RSRC1: variants seen among roughly 807,000 people sequenced by gnomAD.
The protein encoded by RSRC1 is arginine and serine rich coiled-coil 1, also known as serine/Arginine-related protein 53.
A neutral mutation model predicts 49.1 loss-of-function variants in RSRC1; 39 were observed. That is an observed-to-expected ratio of 0.79 (90% confidence interval 0.61 to 1.04). RSRC1 has a LOEUF of 1.04. RSRC1 is among the 50% of genes least tolerant of loss of function. The probability of loss-of-function intolerance (pLI) is 0.00; values close to 1 mark genes in which losing one functional copy is unlikely to be tolerated. For synonymous variants in RSRC1, 143 were observed against 130.8 expected (o/e 1.09, Z -0.63); for missense variants, 388 against 402.4 (o/e 0.96, Z 0.31).
intron 7 of RSRC1, among the ~76,000 whole-genome samples, chr3:158,461,895 C>T (rs1265321835): frequency 2.6e-5 from 4 of 150,958 alleles, no homozygotes; most frequent in African/African-American, 9.7e-5. Context: ...AGAAGATAAT[C>T]TGAACTTCCC....
intron 1 of RSRC1, among the ~76,000 whole-genome samples, chr3:158,119,067 C>G (rs1347683380): frequency 2.0e-5 from 3 of 152,140 alleles, no homozygotes; most frequent in Non-Finnish European, 4.4e-5. Context: ...TCATTTTTCT[C>G]CCCAAAATAA....
chr3:158,267,917 A>G (rs827091), intron 4 of RSRC1, among the ~76,000 whole-genome samples: 85,037 of 135,168 alleles, frequency 0.63, 26,072 homozygotes, highest in East Asian at 0.73. Flanking sequence ...ATTCAGCTGT[A>G]TTCTCCTGGG....
intron 6 of RSRC1, among the ~76,000 whole-genome samples, chr3:158,398,058 G>T (rs750126244): frequency 6.6e-6 from 1 of 152,118 alleles, no homozygotes; most frequent in Non-Finnish European, 1.5e-5. Flanking sequence ...GGTAGGGAGT[G>T]TTAGACATAC....
chr3:158,424,431 A>C (rs909146035), intron 6 of RSRC1, among the ~76,000 whole-genome samples: 2 of 151,466 alleles, frequency 1.3e-5, no homozygotes, highest in Non-Finnish European at 2.9e-5. Flanking sequence ...GATGAAGCCC[A>C]CTTGATCATG....
intron 6 of RSRC1, among the ~76,000 whole-genome samples, chr3:158,432,069 C>T (rs996890214): frequency 6.6e-6 from 1 of 151,914 alleles, no homozygotes; most frequent in African/African-American, 2.4e-5. Context: ...GGGGATCTGA[C>T]AGGCAGCACG....
chr3:158,498,470 T>C (rs954437827), intron 7 of RSRC1, among the ~76,000 whole-genome samples: 6 of 152,136 alleles, frequency 3.9e-5, no homozygotes, highest in African/African-American at 1.4e-4. Context: ...TGGATATTAG[T>C]CCTTTGTCAG....
At chr3:158,124,531 A>C (rs1011741833) in intron 3 of RSRC1, among the ~76,000 whole-genome samples, 3 of 152,162 alleles carry the variant, frequency 2.0e-5, no homozygotes, top group African/African-American at 7.2e-5. Context: ...GGAATTCTGC[A>C]GTGAAGCTAT....
chr3:158,193,939 G>C (rs1435125056), intron 3 of RSRC1, among the ~76,000 whole-genome samples: 1 of 151,938 alleles, frequency 6.6e-6, no homozygotes, highest in East Asian at 1.9e-4. Context: ...TGTGAGTTCA[G>C]GTCGACATAC....
At chr3:158,129,653 C>T (rs758356203) in intron 3 of RSRC1, among the ~76,000 whole-genome samples, 3 of 152,230 alleles carry the variant, frequency 2.0e-5, no homozygotes, top group East Asian at 1.9e-4. Flanking sequence ...GCTAACTATA[C>T]GAATGTGACT....
chr3:158,145,534 A>G lies in RSRC1; in HGVS notation c.320+21543A>G, dbSNP rs145471019. ...GTACCATGCTGTTTTGGTTACTGTA[A>G]CCTTGTAGTATAGTTTGAAGTCAGG... On this transcript the variant is annotated intron_variant, in intron 3 of 9. Coordinates refer to ENST00000611884, the MANE Select transcript of RSRC1 (RefSeq NM_001271838.2). 7.7e-3 allele frequency among the ~76,000 whole-genome samples: 1,166 copies of G among 152,040 alleles called. 15 individuals are homozygous for G. Among genetic ancestry groups the G allele is most frequent in the African/African-American group, 0.027 (1,129 of 41,474 alleles).
chr3:158,354,173 T>G (rs945612449), intron 5 of RSRC1, among the ~76,000 whole-genome samples: 37 of 151,978 alleles, frequency 2.4e-4, no homozygotes, highest in African/African-American at 7.7e-4. Flanking sequence ...GTATTTTTAG[T>G]AGAGATGGGG....
chr3:158,435,774 C>T (rs1218743469), intron 6 of RSRC1, among the ~76,000 whole-genome samples: 1 of 151,576 alleles, frequency 6.6e-6, no homozygotes. Flanking sequence ...ATAAAACGTA[C>T]ATCTTCTAGT....
intron 4 of RSRC1, among the ~76,000 whole-genome samples, chr3:158,218,909 A>T (rs1379509615): frequency 6.6e-6 from 1 of 151,684 alleles, no homozygotes; most frequent in Non-Finnish European, 1.5e-5. Flanking sequence ...GATGAATAAG[A>T]CACGGTCTTT....
Position 158,424,700 on chromosome 3 carries a change from A to G in RSRC1, c.584-36235A>G, listed in dbSNP as rs1322976410. Reference sequence around the variant, plus strand: ...TCTGGTAGAATTCGGCTGTGAATCCATCTGGTCCTGGACCCTTTTTGGTGG... The same window carrying G: ...TCTGGTAGAATTCGGCTGTGAATCCGTCTGGTCCTGGACCCTTTTTGGTGG... On this transcript the variant is annotated intron_variant, in intron 6 of 9. Transcript: ENST00000611884. Among the ~76,000 whole-genome samples the G allele has an allele frequency of 3.9e-5, 6 of 152,094 alleles. No individual in the cohort carries two copies. In the South Asian group the frequency reaches 1.2e-3, roughly 32 times the overall value.
chr3:158,469,276 A>G, intron 7 of RSRC1: 1 of 376,118 alleles, frequency 2.7e-6, no homozygotes, highest in South Asian at 2.1e-5. Context: ...AAGATGGCCA[A>G]GAATTATAAT....
chr3:158,397,837 T>A lies in RSRC1; in HGVS notation c.583+42929T>A, dbSNP rs554924530. Among the ~76,000 whole-genome samples the A allele has an allele frequency of 4.6e-5, 7 of 152,230 alleles. No homozygotes were observed. In the South Asian group the frequency reaches 1.5e-3, roughly 32 times the overall value. On this transcript the variant is annotated intron_variant, in intron 6 of 9. Coordinates refer to ENST00000611884, the MANE Select transcript of RSRC1 (RefSeq NM_001271838.2). ...CTTACATAAAGGATCTCATCTTTAATGTCACCTCCTTGTAATTTAGAATTG... is the reference window on the plus strand; with the variant it reads ...CTTACATAAAGGATCTCATCTTTAAAGTCACCTCCTTGTAATTTAGAATTG...
intron 3 of RSRC1, among the ~76,000 whole-genome samples, chr3:158,171,078 G>A (rs1299761275): frequency 6.6e-6 from 1 of 152,168 alleles, no homozygotes; most frequent in Non-Finnish European, 1.5e-5. Context: ...CTTATTCTGT[G>A]TATGACTGGC....
intron 4 of RSRC1, among the ~76,000 whole-genome samples, chr3:158,205,212 G>A (rs373426180): frequency 3.9e-5 from 6 of 152,232 alleles, no homozygotes; most frequent in Admixed American, 1.3e-4. Flanking sequence ...GTTTTAGTGG[G>A]CCGTAGTAGA....
chr3:158,372,467 T>G (rs1209170971), intron 6 of RSRC1, among the ~76,000 whole-genome samples: 1 of 151,968 alleles, frequency 6.6e-6, no homozygotes, highest in Non-Finnish European at 1.5e-5. Flanking sequence ...TACATATAAG[T>G]AGCTCTATTC....
Sources: allele counts gnomAD v4.1 joint callset (sites outside exome capture counted in the v4.1 genomes callset), GRCh38; gene constraint gnomAD v4.1.1; transcripts MANE v1.5; gene names NCBI Gene and HGNC (gene_info 2026-07-23, HGNC 2026-07-21).